Variants in IGF2R observed in about 807,000 individuals in gnomAD.
IGF2R encodes insulin like growth factor 2 receptor.
IGF2R carries 91 observed loss-of-function variants against 270.6 expected under a neutral mutation model. That is an observed-to-expected ratio of 0.34 (90% CI 0.28 to 0.40). The LOEUF is 0.40. IGF2R is among the 10% of genes least tolerant of loss of function. The probability of loss-of-function intolerance (pLI) is 1.00; values close to 1 mark genes in which losing one functional copy is unlikely to be tolerated. For synonymous variants in IGF2R, 1,316 were observed against 1,258.9 expected (o/e 1.05, Z -0.96); for missense variants, 2,805 against 3,188.3 (o/e 0.88, Z 2.90).
In IGF2R at chr6:160,084,984, T is replaced by G; in HGVS notation, c.6069-11T>G. ...CATGCCTTTTACCTGCCCCTTTGTG[T>G]CGTTTTCTAGGTACTATATAAATCT... On this transcript the variant is annotated splice_polypyrimidine_tract_variant and intron_variant, in intron 40 of 47. Coordinates refer to ENST00000356956, the MANE Select transcript of IGF2R (RefSeq NM_000876.4). This position sits in a 1 kb window ranked among gnomAD's most constrained non-coding sequence, Gnocchi z 4.6. 6.2e-7 allele frequency: 1 copy of G among 1,608,214 alleles called. No homozygotes were observed. The highest frequency in any genetic ancestry group is 8.5e-7 in the Non-Finnish European group (1 of 1,175,154).
chr6:160,032,417 A>C, intron 7 of IGF2R, 134 bp from the exon 8 acceptor site: 1 of 715,938 alleles, frequency 1.4e-6, no homozygotes. Flanking sequence ...AGAGGCAATT[A>C]TGATTCAAAA....
chr6:160,013,315 C>T (rs966317166), intron 4 of IGF2R, among the ~76,000 whole-genome samples: 2 of 148,106 alleles, frequency 1.4e-5, no homozygotes, highest in African/African-American at 5.0e-5. Context: ...ATGGTTTTCA[C>T]ATTTTTACAG....
In IGF2R at chr6:160,034,468, A is replaced by G; in HGVS notation, c.1261A>G (p.Ser421Gly). 4 of 1,611,514 alleles carry G rather than the reference A, an allele frequency of 2.5e-6. No homozygotes were observed. In the South Asian group the frequency reaches 4.4e-5, roughly 18 times the overall value. Residue 421 changes from serine (S) to glycine (G), a missense_variant, in exon 10 of 48, where the codon AGC (serine) becomes GGC (glycine). Coordinates refer to ENST00000356956, the MANE Select transcript of IGF2R (RefSeq NM_000876.4). ...TLIYFGGDEC[S>G]SGFQRMSVIN... Reference sequence around the variant, plus strand: ...GATATATTTTGGAGGTGATGAATGCAGCTCAGGGTTTCAGCGGATGAGCGT... The same window carrying G: ...GATATATTTTGGAGGTGATGAATGCGGCTCAGGGTTTCAGCGGATGAGCGT...
chr6:160,048,141 C>G (rs1778111498), intron 17 of IGF2R, among the ~76,000 whole-genome samples: 1 of 152,208 alleles, frequency 6.6e-6, no homozygotes, highest in South Asian at 2.1e-4. Flanking sequence ...TCATTTAAAA[C>G]AATGACTGTC....
At position 159,994,215 on chromosome 6, in the gene IGF2R, C is replaced by T. The variant is rs370799627; in HGVS notation, c.289+2892C>T. ...TATGTTTCCAGGAATGTATCCATTTCCTCTAGGTTTTCTAGTTTTTGAGTG... is the reference window on the plus strand; with the variant it reads ...TATGTTTCCAGGAATGTATCCATTTTCTCTAGGTTTTCTAGTTTTTGAGTG... On this transcript the variant is annotated intron_variant, in intron 2 of 47. Coordinates refer to ENST00000356956, the MANE Select transcript of IGF2R (RefSeq NM_000876.4). Among the ~76,000 whole-genome samples, 4 of 151,954 alleles carry T rather than the reference C, an allele frequency of 2.6e-5. No homozygotes were observed. In the South Asian group the frequency reaches 8.3e-4, roughly 32 times the overall value.
chr6:160,014,389 G>A (rs1366350987), intron 4 of IGF2R, among the ~76,000 whole-genome samples: 1 of 152,208 alleles, frequency 6.6e-6, no homozygotes, highest in Non-Finnish European at 1.5e-5. Flanking sequence ...GGAAGTGGGA[G>A]GGTGTTCCCC....
intron 19 of IGF2R, among the ~76,000 whole-genome samples, chr6:160,053,869 A>G (rs1778250327): frequency 6.6e-6 from 1 of 152,250 alleles, no homozygotes; most frequent in African/African-American, 2.4e-5. Context: ...AGTTACCTGT[A>G]GTTATCAAAA....
chr6:160,089,882 T>A (rs1779180957), intron 43 of IGF2R, 34 bp from the exon 44 acceptor site: 2 of 1,472,706 alleles, frequency 1.4e-6, no homozygotes, highest in Non-Finnish European at 1.8e-6. Context: ...CTTGAAGGAC[T>A]TCCATGTCAC....
At chr6:159,977,461 C>T (rs1182817191) in intron 1 of IGF2R, among the ~76,000 whole-genome samples, 2 of 150,970 alleles carry the variant, frequency 1.3e-5, no homozygotes, top group East Asian at 3.9e-4. Context: ...GCTTTAGGTC[C>T]TTTCCACCCT....
At position 160,061,866 on chromosome 6, in the gene IGF2R, G is replaced by A; in HGVS notation, c.3520G>A (p.Gly1174Ser). Residue 1174 changes from glycine (G) to serine (S), a missense_variant, in exon 25 of 48, where the codon GGT becomes AGT. Transcript: ENST00000356956. ...ATCTTTGAGCATCATGTATGTCAAC[G>A]GTGACAAGTGTGGGAACCAGCGCTT... Reference protein sequence around the residue: ...NGSLSIMYVNGDKCGNQRFST... With the variant: ...NGSLSIMYVNSDKCGNQRFST... The A allele has an allele frequency of 6.2e-7, 1 of 1,614,126 alleles. No individual in the cohort carries two copies. Among genetic ancestry groups the A allele is most frequent in the Non-Finnish European group, 8.5e-7 (1 of 1,180,036 alleles).
At chr6:160,005,421 C>G (rs551536491) in intron 2 of IGF2R, 1 of 152,136 alleles carries the variant, frequency 6.6e-6, no homozygotes, top group Non-Finnish European at 1.5e-5. Context: ...TGCGGCCTCT[C>G]GCCGGTGTCG....
intron 10 of IGF2R, 90 bp from the exon 11 acceptor site, chr6:160,040,470 T>G: frequency 9.2e-7 from 1 of 1,084,954 alleles, no homozygotes; most frequent in Non-Finnish European, 1.4e-6. Context: ...GCAGTTGGCA[T>G]TGGTCCTGTT....
chr6:160,015,114 C>T (rs576463205), intron 4 of IGF2R, among the ~76,000 whole-genome samples: 1 of 152,260 alleles, frequency 6.6e-6, no homozygotes, highest in Non-Finnish European at 1.5e-5. Flanking sequence ...TTAGAGCATT[C>T]CTGCAGATTT....
At chr6:159,972,001 A>G (rs1478420392) in intron 1 of IGF2R, among the ~76,000 whole-genome samples, 3 of 152,176 alleles carry the variant, frequency 2.0e-5, no homozygotes, top group African/African-American at 4.8e-5. Flanking sequence ...ATACTTTTTG[A>G]AAACTTTTCT....
At position 160,040,699 on chromosome 6, in the gene IGF2R, C is replaced by T. The variant is rs1378425114; in HGVS notation, c.1455C>T (p.Asp485=). 7 of 1,614,172 alleles carry T rather than the reference C, an allele frequency of 4.3e-6. No individual in the cohort carries two copies. The highest frequency in any genetic ancestry group is 5.9e-6 in the Non-Finnish European group (7 of 1,180,028). Residue 485 remains aspartate, a synonymous_variant, in exon 11 of 48, where the codon GAC becomes GAT. Coordinates refer to ENST00000356956, the MANE Select transcript of IGF2R (RefSeq NM_000876.4). ...CGATDGKKRY[D]LSALVRHAEP... is the part of the protein sequence containing the mutation. ...CCACCGACGGGAAGAAGCGCTATGA[C>T]CTGTCCGCGCTGGTCCGCCATGCAG...
At chr6:159,973,520 G>T (rs1304836580) in intron 1 of IGF2R, among the ~76,000 whole-genome samples, 1 of 152,172 alleles carries the variant, frequency 6.6e-6, no homozygotes, top group Non-Finnish European at 1.5e-5. Flanking sequence ...GGTTGGTTTA[G>T]TTACTGTCTC....
chr6:160,082,403 G>A (rs1465550648), intron 39 of IGF2R, among the ~76,000 whole-genome samples: 2 of 151,740 alleles, frequency 1.3e-5, no homozygotes, highest in Non-Finnish European at 2.9e-5. Context: ...TCCACCTTCT[G>A]GTTTCAAGTG....
In IGF2R at chr6:160,084,452, A is replaced by T. The variant is rs532022071; in HGVS notation, c.6068+268A>T. 3.9e-4 allele frequency among the ~76,000 whole-genome samples: 60 copies of T among 152,208 alleles called. No individual in the cohort carries two copies. Among genetic ancestry groups the T allele is most frequent in the African/African-American group, 1.4e-3 (60 of 41,532 alleles). The stretch of plus-strand genomic sequence containing the variant: ...TGGAAGAACCTGGGCGGACTGAGTT[A>T]GGCTGGGTTTGATTTGCGTTTGTGT... On this transcript the variant is annotated intron_variant, in intron 40 of 47. Transcript: ENST00000356956. The surrounding 1 kb of genome is among the most constrained non-coding windows in gnomAD (Gnocchi z 4.6).
intron 46 of IGF2R, among the ~76,000 whole-genome samples, chr6:160,103,297 G>A (rs1331748568): frequency 6.6e-6 from 1 of 151,502 alleles, no homozygotes; most frequent in Non-Finnish European, 1.5e-5. Flanking sequence ...CTCTAGCCTG[G>A]GCAACACAGT....
Sources: gnomAD v4.1 joint callset for allele counts (sites outside exome capture counted in the v4.1 genomes callset) on GRCh38, gnomAD v4.1.1 for gene constraint, Gnocchi (gnomAD v3.1) non-coding constraint, MANE v1.5 for transcripts, NCBI Gene and HGNC (gene_info 2026-07-23, HGNC 2026-07-21) for gene names.